DHRSX: variants seen among roughly 807,000 people sequenced by gnomAD.
The protein encoded by DHRSX is polyprenol dehydrogenase.
Under a neutral mutation model 34.0 loss-of-function variants are expected in DHRSX, and 31 were observed. The ratio of observed to expected loss-of-function variants is 0.91; its 90% CI spans 0.69 to 1.23. The LOEUF (loss-of-function observed/expected upper bound fraction) is 1.23. Among genes scored for constraint, DHRSX ranks in the 50% most tolerant of loss-of-function variants. The pLI is 0.00. For missense variants in DHRSX, 414 were observed against 428.1 expected, an observed-to-expected ratio of 0.97 and a Z score of 0.29; for synonymous variants, 201 against 183.8, an observed-to-expected ratio of 1.09 and a Z score of -0.76.
chrX:2,325,453 C>T (rs2042373265), intron 3 of DHRSX, among the ~76,000 whole-genome samples: 1 of 152,168 alleles, frequency 6.6e-6, no homozygotes, highest in Non-Finnish European at 1.5e-5. Flanking sequence ...AGACTAGACA[C>T]GTTCAAGACA....
chrX:2,446,578 G>C (rs1399549973), intron 1 of DHRSX, among the ~76,000 whole-genome samples: 1 of 151,834 alleles, frequency 6.6e-6, no homozygotes, highest in Non-Finnish European at 1.5e-5. Context: ...TAAGAATGCG[G>C]CCAAGGGACC....
intron 4 of DHRSX, among the ~76,000 whole-genome samples, chrX:2,282,893 G>A (rs1212303003): frequency 6.7e-6 from 1 of 149,778 alleles, no homozygotes; most frequent in Non-Finnish European, 1.5e-5. Flanking sequence ...GAGGGAGGAG[G>A]GAGAAGGGAG....
chrX:2,358,156 G>C (rs939407881), intron 3 of DHRSX, among the ~76,000 whole-genome samples: 22 of 152,142 alleles, frequency 1.4e-4, no homozygotes, highest in African/African-American at 5.1e-4. Flanking sequence ...TTGGTTTAAA[G>C]TTACGAAAGT....
chrX:2,381,756 A>G (rs1024117446), intron 3 of DHRSX, among the ~76,000 whole-genome samples: 15 of 141,080 alleles, frequency 1.1e-4, no homozygotes, highest in Admixed American at 1.0e-3. Context: ...TTGTTCCAAC[A>G]GTGGCAGGCT....
At chrX:2,357,700 T>TA (rs781233833) in intron 3 of DHRSX, among the ~76,000 whole-genome samples, 1,311 of 125,152 alleles carry the variant, frequency 0.01, 8 homozygotes, top group South Asian at 0.045. Context: ...CTCAGGAAAT[T>TA]AAAAAAAAAA....
intron 1 of DHRSX, among the ~76,000 whole-genome samples, chrX:2,428,956 T>A (rs886719952): frequency 3.3e-5 from 5 of 152,308 alleles, no homozygotes; most frequent in African/African-American, 1.2e-4. Flanking sequence ...TGTCAGCCCG[T>A]ACATTTCGTT....
At chrX:2,242,978 C>T (rs1372517797) in intron 6 of DHRSX, 45 bp downstream of exon 6, 1 of 1,580,060 alleles carries the variant, frequency 6.3e-7, no homozygotes, top group Admixed American at 1.7e-5. Flanking sequence ...TTTCCTGTAG[C>T]ATCTTCAGGT....
intron 1 of DHRSX, among the ~76,000 whole-genome samples, chrX:2,447,183 GC>G (rs2044149608): frequency 6.8e-6 from 1 of 147,868 alleles, no homozygotes; most frequent in African/African-American, 2.5e-5. Flanking sequence ...AGGGACCACC[GC>G]CCTGTACACA....
chrX:2,282,766 AAGCG>A (rs775393214), intron 4 of DHRSX, among the ~76,000 whole-genome samples: 37,261 of 89,082 alleles, frequency 0.42, 7,982 homozygotes, highest in Non-Finnish European at 0.46. Flanking sequence ...AGAGGGGAGA[AAGCG>A]AGGGAGGGAG....
chrX:2,252,429 T>C (rs1023692459), intron 5 of DHRSX, among the ~76,000 whole-genome samples: 45 of 152,070 alleles, frequency 3.0e-4, no homozygotes, highest in Non-Finnish European at 5.7e-4. Context: ...AGGAAACAGA[T>C]AGTTACTAAG....
intron 4 of DHRSX, among the ~76,000 whole-genome samples, chrX:2,276,779 A>C (rs1401868025): frequency 6.7e-6 from 1 of 148,896 alleles, no homozygotes; most frequent in Non-Finnish European, 1.5e-5. Flanking sequence ...GAAGGAAGAG[A>C]GAAGGAGAGG....
chrX:2,300,054 C>T (rs1190190688), intron 3 of DHRSX, among the ~76,000 whole-genome samples: 1 of 152,018 alleles, frequency 6.6e-6, no homozygotes, highest in African/African-American at 2.4e-5. Flanking sequence ...TCTGGCAAAT[C>T]GCCTGGTTTG....
Position 2,318,673 on chromosome X carries a change from G to A in DHRSX, c.287-27070C>T, listed in dbSNP as rs141028094. Reference sequence around the variant, plus strand: ...GGAGGAACCCTCAGTTCCCAGAACCGCCCACCGGCTTCCCAGAAAACTCAC... The same window carrying A: ...GGAGGAACCCTCAGTTCCCAGAACCACCCACCGGCTTCCCAGAAAACTCAC... On this transcript the variant is annotated intron_variant, in intron 3 of 6. Coordinates refer to ENST00000334651, the MANE Select transcript of DHRSX (RefSeq NM_145177.3). Among the ~76,000 whole-genome samples the A allele has an allele frequency of 8.6e-3, 1,300 of 151,658 alleles. 8 individuals are homozygous for A. Among genetic ancestry groups the A allele is most frequent in the Middle Eastern group, 0.02 (6 of 294 alleles).
At chrX:2,492,053 G>A (rs1210213604) in intron 1 of DHRSX, among the ~76,000 whole-genome samples, 5 of 152,190 alleles carry the variant, frequency 3.3e-5, no homozygotes, top group Admixed American at 3.3e-4. Context: ...ACCCAGGCAC[G>A]TTCAGAGTGT....
At chrX:2,242,360 T>A (rs755918130) in intron 6 of DHRSX, among the ~76,000 whole-genome samples, 1 of 151,506 alleles carries the variant, frequency 6.6e-6, no homozygotes, top group Admixed American at 6.6e-5. Flanking sequence ...GGCTTTGGGG[T>A]GAGAATGTAC....
chrX:2,478,308 T>A (rs2044712482), intron 1 of DHRSX, among the ~76,000 whole-genome samples: 1 of 151,668 alleles, frequency 6.6e-6, no homozygotes, highest in Non-Finnish European at 1.5e-5. Context: ...CACATGAGAG[T>A]CACAGACACC....
chrX:2,396,033 C>A (rs909219972), intron 3 of DHRSX, among the ~76,000 whole-genome samples: 2 of 152,074 alleles, frequency 1.3e-5, no homozygotes, highest in Admixed American at 1.3e-4. Context: ...CCTCCGGGGG[C>A]TCTCAGGAAG....
intron 1 of DHRSX, among the ~76,000 whole-genome samples, chrX:2,455,904 T>C (rs1203542854): frequency 6.6e-6 from 1 of 151,630 alleles, no homozygotes; most frequent in Non-Finnish European, 1.5e-5. Flanking sequence ...CAACGTTGAG[T>C]GTCAAAAGGA....
chrX:2,245,458 G>A lies in DHRSX; in HGVS notation c.597-2228C>T, dbSNP rs753390305. ...CGAGTAGCTGGGATTACCAGCGCCC[G>A]CCACCACGCCCGGCTAATTTTTTGT... On this transcript the variant is annotated intron_variant, in intron 5 of 6. Coordinates refer to ENST00000334651, the MANE Select transcript of DHRSX (RefSeq NM_145177.3). 2.0e-5 allele frequency among the ~76,000 whole-genome samples: 3 copies of A among 151,622 alleles called. No individual in the cohort carries two copies. In the East Asian group the frequency reaches 6.0e-4, roughly 30 times the overall value.
Sources: allele counts gnomAD v4.1 joint callset (sites outside exome capture counted in the v4.1 genomes callset), GRCh38; gene constraint gnomAD v4.1.1; transcripts MANE v1.5; gene names NCBI Gene and HGNC (gene_info 2026-07-23, HGNC 2026-07-21).